CD101: variants seen among roughly 807,000 people sequenced by gnomAD.
The protein encoded by CD101 is CD101 molecule, also known as immunoglobulin superfamily member 2.
CD101 carries 76 observed loss-of-function variants against 98.2 expected under a neutral mutation model. The ratio of observed to expected loss-of-function variants is 0.77; its 90% CI spans 0.64 to 0.94. CD101 has a LOEUF of 0.94. Among genes scored for constraint, CD101 ranks in the 40% least tolerant of loss-of-function variants. CD101 has a pLI of 0.00. For synonymous variants in CD101, 471 were observed against 472.7 expected (o/e 1.00, Z 0.05); for missense variants, 1,145 against 1,218.8 (o/e 0.94, Z 0.90).
At chr1:117,002,547 C>G (rs183375618) in intron 1 of CD101, among the ~76,000 whole-genome samples, 2 of 152,090 alleles carry the variant, frequency 1.3e-5, no homozygotes, top group Non-Finnish European at 2.9e-5. Flanking sequence ...AACCAGATAG[C>G]AGGTACTTTT....
Position 117,010,188 on chromosome 1 carries a change from G to T in CD101, c.382G>T (p.Glu128Ter). Residue 128 changes from glutamate to a stop codon, truncating the protein, a stop_gained, in exon 2 of 10, where the codon GAG (glutamate) becomes TAG (stop). Coordinates refer to ENST00000682167, the MANE Select transcript of CD101 (RefSeq NM_001256106.3). LOFTEE classifies it high-confidence loss of function. The surrounding 1 kb of genome is among the most constrained non-coding windows in gnomAD (Gnocchi z 5.2). ...TGAGTGTCACACACCAAACACTGAT[G>T]AGAAATACTATGGAAGTTACAGTGC... ...EYECHTPNTD[E>*]KYYGSYSAKT... The T allele has an allele frequency of 6.2e-7, 1 of 1,614,136 alleles. No homozygotes were observed. Among genetic ancestry groups the T allele is most frequent in the East Asian group, 2.2e-5 (1 of 44,892 alleles).
In CD101 at chr1:117,034,052, G is replaced by A. The variant is rs1422584763; in HGVS notation, c.3017G>A (p.Gly1006Asp). ...TGGGTGGACTTGAAAGAGGCTGGAG[G>A]TGTGACCACAAATAGGAGGGAAGAC... is the stretch of plus-strand genomic sequence containing the variant. ...ALWVDLKEAG[G>D]VTTNRREDEE... Residue 1006 changes from glycine to aspartate, a missense_variant, in exon 9 of 10, where the codon GGT becomes GAT. Physicochemically the swap from Gly to Asp is moderately conservative, Grantham distance 94. Transcript: ENST00000682167. The A allele has an allele frequency of 2.5e-6, 4 of 1,614,078 alleles. No individual in the cohort carries two copies. In the African/African-American group the frequency reaches 4.0e-5, roughly 16 times the overall value.
chr1:117,028,117 A>AAAAT (rs1174675866), intron 8 of CD101, among the ~76,000 whole-genome samples: 3 of 151,932 alleles, frequency 2.0e-5, no homozygotes, highest in African/African-American at 7.3e-5. Flanking sequence ...AAAATAAAAT[A>AAAAT]AAATAAGTGA....
chr1:117,015,074 G>A (rs773241026), intron 4 of CD101, among the ~76,000 whole-genome samples: 11 of 152,176 alleles, frequency 7.2e-5, no homozygotes, highest in Non-Finnish European at 1.5e-4. Flanking sequence ...TATCAATAGG[G>A]TCATCTTCTA....
At chr1:117,002,788 A>G (rs943689530) in intron 1 of CD101, among the ~76,000 whole-genome samples, 4 of 152,392 alleles carry the variant, frequency 2.6e-5, no homozygotes, top group Middle Eastern at 6.8e-3. Flanking sequence ...CTTCAAAGTA[A>G]TGATGAGTAT....
Position 117,017,398 on chromosome 1 carries a change from GT to G in CD101, c.1538del (p.Val513AspfsTer12). The stretch of plus-strand genomic sequence containing the variant: ...AGACAGTGGCACATATGAGTGCAGA[GT>G]ATCTGAGAAGTCTCGGAACCAGGCC... ...ITDSGTYECR[V>X]SEKSRNQARD... On this transcript the variant is annotated frameshift_variant, in exon 5 of 10. Transcript: ENST00000682167. LOFTEE classifies it high-confidence loss of function. The G allele has an allele frequency of 6.2e-7, 1 of 1,614,256 alleles. No homozygotes were observed. The highest frequency in any genetic ancestry group is 8.5e-7 in the Non-Finnish European group (1 of 1,180,042).
intron 9 of CD101, among the ~76,000 whole-genome samples, chr1:117,035,484 A>C (rs1654752620): frequency 6.6e-6 from 1 of 151,972 alleles, no homozygotes. Context: ...ACATGTCAGC[A>C]CATTTGTTTC....
intron 8 of CD101, among the ~76,000 whole-genome samples, chr1:117,029,364 A>C (rs1654297216): frequency 6.6e-6 from 1 of 152,226 alleles, no homozygotes; most frequent in African/African-American, 2.4e-5. Flanking sequence ...GATTAATAGA[A>C]GAGTAGATAC....
chr1:117,020,486 G>A (rs551453512), intron 6 of CD101, among the ~76,000 whole-genome samples: 3 of 152,322 alleles, frequency 2.0e-5, no homozygotes, highest in South Asian at 4.1e-4. Context: ...GGAGGTTGCA[G>A]TGAGCCAAGA....
rs953836951 is a variant in CD101 at position 117,009,952 on chromosome 1, A to G, written c.146A>G (p.Gln49Arg). The G allele has an allele frequency of 3.1e-6, 5 of 1,614,092 alleles. No homozygotes were observed. Among genetic ancestry groups the G allele is most frequent in the Non-Finnish European group, 3.4e-6 (4 of 1,180,048 alleles). ...ATTGGCTGCAATGTAACTGGCCACC[A>G]GGGACCTTCTGAGCAGCATTTCCAG... ...VSIGCNVTGH[Q>R]GPSEQHFQWS... Residue 49 changes from glutamine (Q) to arginine (R), a missense_variant, in exon 2 of 10, where the codon CAG becomes CGG. Physicochemically the swap from Gln to Arg is conservative, Grantham distance 43. Transcript: ENST00000682167.
In CD101 at chr1:117,019,730, G is replaced by A. The variant is rs547594575; in HGVS notation, c.2017+1170G>A. Among the ~76,000 whole-genome samples the A allele has an allele frequency of 2.2e-4, 34 of 152,160 alleles. No homozygotes were observed. The South Asian group carries it at 4.8e-3, about 21-fold the overall frequency. On this transcript the variant is annotated intron_variant, in intron 6 of 9. Coordinates refer to ENST00000682167, the MANE Select transcript of CD101 (RefSeq NM_001256106.3). The surrounding 1 kb of genome is among the most constrained non-coding windows in gnomAD (Gnocchi z 4.3). Reference sequence around the variant, plus strand: ...GATCTCCAGACTCGTATATCCAGCTGTCTCCAAGACATGCCTGCACTCATT... The same window carrying A: ...GATCTCCAGACTCGTATATCCAGCTATCTCCAAGACATGCCTGCACTCATT...
At position 117,023,347 on chromosome 1, in the gene CD101, A is replaced by G. The variant is rs1296603876; in HGVS notation, c.2428+1364A>G. Among the ~76,000 whole-genome samples the G allele has an allele frequency of 6.6e-6, 1 of 152,170 alleles. No homozygotes were observed. The highest frequency in any genetic ancestry group is 1.5e-5 in the Non-Finnish European group (1 of 68,032). ...GCTCCGTGTTGTCAGATCTTTTTGC[A>G]TATCTAGAGATGCCTAAAATCTTTT... On this transcript the variant is annotated intron_variant, in intron 7 of 9. Coordinates refer to ENST00000682167, the MANE Select transcript of CD101 (RefSeq NM_001256106.3). This position sits in a 1 kb window ranked among gnomAD's most constrained non-coding sequence, Gnocchi z 4.4.
At position 117,017,322 on chromosome 1, in the gene CD101, GA is replaced by G; in HGVS notation, c.1465del (p.Met489TrpfsTer36). On this transcript the variant is annotated frameshift_variant, in exon 5 of 10. Transcript: ENST00000682167. LOFTEE classifies it high-confidence loss of function. ...GTTACCATGGCAACACAAGGCTGGA[GA>G]AAATGGACTGGGCCACCTTCCAGCT... is the stretch of plus-strand genomic sequence containing the variant. ...PSYHGNTRLE[K>X]MDWATFQLEI... The G allele has an allele frequency of 6.2e-7, 1 of 1,614,234 alleles. No homozygotes were observed. Among genetic ancestry groups the G allele is most frequent in the South Asian group, 1.1e-5 (1 of 91,088 alleles).
chr1:117,015,998 A>G (rs1653182583), intron 4 of CD101, among the ~76,000 whole-genome samples: 1 of 152,086 alleles, frequency 6.6e-6, no homozygotes, highest in African/African-American at 2.4e-5. Context: ...TGCAGAATTC[A>G]TGTTTGTTGA....
Position 117,005,173 on chromosome 1 carries a change from T to G in CD101, c.43+3313T>G, listed in dbSNP as rs571604778. ...TTTAGGAAGACACAGACGTTGAGAC[T>G]ATAACACAGCACCCTCCCTGTCATC... On this transcript the variant is annotated intron_variant, in intron 1 of 9. Coordinates refer to ENST00000682167, the MANE Select transcript of CD101 (RefSeq NM_001256106.3). This position sits in a 1 kb window ranked among gnomAD's most constrained non-coding sequence, Gnocchi z 4.4. 6.6e-6 allele frequency among the ~76,000 whole-genome samples: 1 copy of G among 152,146 alleles called. No homozygotes were observed. The highest frequency in any genetic ancestry group is 1.5e-5 in the Non-Finnish European group (1 of 68,012).
rs932977712 is a variant in CD101, at chr1:117,006,730, C to A, written c.44-3120C>A. On this transcript the variant is annotated intron_variant, in intron 1 of 9. Transcript: ENST00000682167. This position sits in a 1 kb window ranked among gnomAD's most constrained non-coding sequence, Gnocchi z 4.4. Reference sequence around the variant, plus strand: ...TATTTCCCTCCCCTCAAAATGTAGTCCCTCTTCAAAATTTTTGAAGCACTT... The same window carrying A: ...TATTTCCCTCCCCTCAAAATGTAGTACCTCTTCAAAATTTTTGAAGCACTT... Among the ~76,000 whole-genome samples the A allele has an allele frequency of 3.9e-5, 6 of 151,984 alleles. No homozygotes were observed. Among genetic ancestry groups the A allele is most frequent in the Non-Finnish European group, 5.9e-5 (4 of 68,024 alleles).
At chr1:117,032,575 C>A (rs1178091958) in intron 8 of CD101, 1 of 152,224 alleles carries the variant, frequency 6.6e-6, no homozygotes, top group Non-Finnish European at 1.5e-5. Context: ...TCCCATGAAT[C>A]CTGTAGCTTA....
rs770266488 is a variant in CD101 at position 117,018,561 on chromosome 1, G to T, written c.2017+1G>T. 3 of 1,566,340 alleles carry T rather than the reference G, an allele frequency of 1.9e-6. No homozygotes were observed. The South Asian group carries it at 3.5e-5, about 18-fold the overall frequency. ...CTGAGGATAGCCGTCACTTTACCAG[G>T]TAAGTGTGACTTGAAATTAATCCCT... On this transcript the variant is annotated splice_donor_variant, in intron 6 of 9. Transcript: ENST00000682167. LOFTEE classifies it high-confidence loss of function. This position sits in a 1 kb window ranked among gnomAD's most constrained non-coding sequence, Gnocchi z 4.3.
rs1454667857 is a variant in CD101, at chr1:117,018,797, C to T, written c.2017+237C>T. Among the ~76,000 whole-genome samples, 1 of 152,038 alleles carries T rather than the reference C, an allele frequency of 6.6e-6. No homozygotes were observed. The highest frequency in any genetic ancestry group is 1.5e-5 in the Non-Finnish European group (1 of 68,030). On this transcript the variant is annotated intron_variant, in intron 6 of 9. Transcript: ENST00000682167. The surrounding 1 kb of genome is among the most constrained non-coding windows in gnomAD (Gnocchi z 4.3). ...ATGCTGGCTAATTGCTGCTCTCTAC[C>T]CATTCCCCATTTTCCCCTAAGTTCC...
Sources: gnomAD v4.1 joint callset for allele counts (sites outside exome capture counted in the v4.1 genomes callset) on GRCh38, gnomAD v4.1.1 for gene constraint, Gnocchi (gnomAD v3.1) non-coding constraint, MANE v1.5 for transcripts, NCBI Gene and HGNC (gene_info 2026-07-23, HGNC 2026-07-21) for gene names.